Variants in NEURL1B observed in about 807,000 individuals in gnomAD.
NEURL1B encodes E3 ubiquitin-protein ligase NEURL1B.
A neutral mutation model predicts 37.4 loss-of-function variants in NEURL1B; 13 were observed. The ratio of observed to expected loss-of-function variants is 0.35; its 90% confidence interval spans 0.23 to 0.55. The LOEUF (loss-of-function observed/expected upper bound fraction) is 0.55, where lower values mean the gene tolerates loss of function less well. Among genes scored for constraint, NEURL1B ranks in the 20% least tolerant of loss-of-function variants. The probability of loss-of-function intolerance (pLI) is 0.89; values close to 1 mark genes in which losing one functional copy is unlikely to be tolerated. For synonymous variants in NEURL1B, 432 were observed against 426.6 expected, an observed-to-expected ratio of 1.01 and a Z score of -0.16; for missense variants, 790 against 879.2, an observed-to-expected ratio of 0.90 and a Z score of 1.28.
Position 172,690,195 on chromosome 5 carries a change from G to A in NEURL1B, c.*3270G>A, listed in dbSNP as rs1561657244. ...ATGGTCTTGTGCCCATTCATTCGGA[G>A]ACTCCTGAAAAACTGGGCTGTTTGC... On this transcript the variant is annotated 3_prime_UTR_variant, in exon 5 of 5. Transcript: ENST00000369800. The A allele has an allele frequency of 6.6e-6, 1 of 152,274 alleles. No homozygotes were observed. Among genetic ancestry groups the A allele is most frequent in the Non-Finnish European group, 1.5e-5 (1 of 68,068 alleles). The allele number at this position is 152,274 out of a possible 1,614,324, so 9.4% of individuals were successfully genotyped here.
intron 3 of NEURL1B, among the ~76,000 whole-genome samples, chr5:172,685,215 T>C (rs1384506548): frequency 6.6e-6 from 1 of 152,198 alleles, no homozygotes; most frequent in Non-Finnish European, 1.5e-5. Context: ...GAGCGGGGCC[T>C]GACACTGGTT....
Position 172,684,098 on chromosome 5 carries a change from C to T in NEURL1B, c.1257C>T (p.Phe419=). The part of the protein sequence containing the change: ...VDTTQALWAF[F]AVRGGVAGQL... ...CCACGCAGGCGCTCTGGGCCTTCTT[C>T]GCCGTGCGCGGCGGCGTCGCGGGCC... The change falls in exon 3 of 5, where the codon TTC becomes TTT. Residue 419 remains phenylalanine, a synonymous_variant. Transcript: ENST00000369800. 7.8e-7 allele frequency: 1 copy of T among 1,277,822 alleles called. No individual in the cohort carries two copies. The highest frequency in any genetic ancestry group is 9.9e-7 in the Non-Finnish European group (1 of 1,012,080). The allele number at this position is 1,277,822 out of a possible 1,614,324, so 79.2% of individuals were successfully genotyped here.
chr5:172,642,847 G>T (rs575627782), intron 1 of NEURL1B, among the ~76,000 whole-genome samples: 2 of 152,346 alleles, frequency 1.3e-5, no homozygotes, highest in South Asian at 4.1e-4. Context: ...CTATTGCCAG[G>T]TTGGGGGAGA....
At chr5:172,671,285 GC>G (rs1188262717) in intron 2 of NEURL1B, among the ~76,000 whole-genome samples, 1 of 152,130 alleles carries the variant, frequency 6.6e-6, no homozygotes, top group Non-Finnish European at 1.5e-5. Context: ...AACCAGCCCA[GC>G]CTCGACCTCT....
Position 172,687,289 on chromosome 5 carries a change from A to C in NEURL1B, c.*364A>C. The C allele has an allele frequency of 1.4e-5, 3 of 207,410 alleles. No individual in the cohort carries two copies. The highest frequency in any genetic ancestry group is 2.1e-4 in the East Asian group (2 of 9,420). 12.8% of individuals were successfully genotyped at this position (207,410 alleles called of 1,614,324 possible). ...AGGGGAGGGAGGGAGAACAGAGAGAATGTGTGTGTGAGAGAGAGAGAGAGA... is the reference window on the plus strand; with the variant it reads ...AGGGGAGGGAGGGAGAACAGAGAGACTGTGTGTGTGAGAGAGAGAGAGAGA... On this transcript the variant is annotated 3_prime_UTR_variant, in exon 5 of 5. Coordinates refer to ENST00000369800, the MANE Select transcript of NEURL1B (RefSeq NM_001142651.3).
Position 172,688,153 on chromosome 5 carries a change from C to G in NEURL1B, c.*1228C>G, listed in dbSNP as rs955003295. On this transcript the variant is annotated 3_prime_UTR_variant, in exon 5 of 5. Transcript: ENST00000369800. This position sits in a 1 kb window ranked among gnomAD's most constrained non-coding sequence, Gnocchi z 4.3. ...CCTCAGCCGTGCCCATCTCTGCAGACTCCCAGATCACATCTGGGCTGATGG... is the reference window on the plus strand; with the variant it reads ...CCTCAGCCGTGCCCATCTCTGCAGAGTCCCAGATCACATCTGGGCTGATGG... 6.5e-6 allele frequency: 1 copy of G among 152,824 alleles called. No homozygotes were observed. The highest frequency in any genetic ancestry group is 2.4e-5 in the African/African-American group (1 of 41,466). The allele number at this position is 152,824 out of a possible 1,614,324, so 9.5% of individuals were successfully genotyped here.
At chr5:172,666,194 A>C (rs956257553) in intron 1 of NEURL1B, among the ~76,000 whole-genome samples, 1 of 146,110 alleles carries the variant, frequency 6.8e-6, no homozygotes, top group Non-Finnish European at 1.5e-5. Context: ...CACCACCACC[A>C]CCACCAAAAA....
Position 172,675,077 on chromosome 5 carries a change from C to G in NEURL1B, c.577+4747C>G, listed in dbSNP as rs893391795. ...TAAAGATGGGGTTTCTACTGGGTAC[C>G]TGTTGGTCAGGTTGGTCTCGAACTC... On this transcript the variant is annotated intron_variant, in intron 2 of 4. Transcript: ENST00000369800. The surrounding 1 kb of genome is among the most constrained non-coding windows in gnomAD (Gnocchi z 4.7). 6.6e-6 allele frequency among the ~76,000 whole-genome samples: 1 copy of G among 152,028 alleles called. No homozygotes were observed. The highest frequency in any genetic ancestry group is 1.5e-5 in the Non-Finnish European group (1 of 67,994).
At chr5:172,655,586 G>A (rs1054585929) in intron 1 of NEURL1B, among the ~76,000 whole-genome samples, 2 of 152,112 alleles carry the variant, frequency 1.3e-5, no homozygotes, top group African/African-American at 2.4e-5. Flanking sequence ...GGTCATTCAC[G>A]CACACACACA....
rs1757463792 is a variant in NEURL1B at position 172,641,710 on chromosome 5, G to A, written c.31+273G>A. On this transcript the variant is annotated intron_variant, in intron 1 of 4. Coordinates refer to ENST00000369800, the MANE Select transcript of NEURL1B (RefSeq NM_001142651.3). This position sits in a 1 kb window ranked among gnomAD's most constrained non-coding sequence, Gnocchi z 6.4. ...GATGCGCAAAAAGGGCCGCTGGGGCGATGCCGCGCGCCCCCTCGCCTTTGT... is the reference window on the plus strand; with the variant it reads ...GATGCGCAAAAAGGGCCGCTGGGGCAATGCCGCGCGCCCCCTCGCCTTTGT... 6.6e-6 allele frequency among the ~76,000 whole-genome samples: 1 copy of A among 152,212 alleles called. No individual in the cohort carries two copies. The highest frequency in any genetic ancestry group is 2.4e-5 in the African/African-American group (1 of 41,458).
At chr5:172,679,065 G>T (rs1357853729) in intron 2 of NEURL1B, among the ~76,000 whole-genome samples, 1 of 152,260 alleles carries the variant, frequency 6.6e-6, no homozygotes, top group Non-Finnish European at 1.5e-5. Context: ...TGGCAGGGAG[G>T]CGGGGACATT....
chr5:172,686,392 C>T lies in NEURL1B; in HGVS notation c.1423+96C>T, dbSNP rs61740388. ...CCTTCCAGGGACTGAGCAGGGTGGC[C>T]GCCTTTCCCCCGCATCCTCTCCTTC... On this transcript the variant is annotated intron_variant, in intron 4 of 4. Transcript: ENST00000369800. This position sits in a 1 kb window ranked among gnomAD's most constrained non-coding sequence, Gnocchi z 7.9. 3.6e-5 allele frequency: 47 copies of T among 1,313,502 alleles called. No homozygotes were observed. Among genetic ancestry groups the T allele is most frequent in the East Asian group, 7.5e-5 (3 of 39,786 alleles). 81.4% of individuals were successfully genotyped at this position (1,313,502 alleles called of 1,614,324 possible). A position where few individuals can be genotyped will look rare whatever the true frequency, so the allele number is the denominator to read the frequency against.
intron 1 of NEURL1B, among the ~76,000 whole-genome samples, chr5:172,642,442 G>A (rs1322628963): frequency 6.6e-6 from 1 of 152,144 alleles, no homozygotes; most frequent in East Asian, 1.9e-4. Flanking sequence ...GGTGAGAGGA[G>A]TGTGTGTGTG....
intron 1 of NEURL1B, among the ~76,000 whole-genome samples, chr5:172,663,829 T>TTTTTTTTATTATTATTATTATTATTA (rs138220033): frequency 9.2e-5 from 13 of 140,844 alleles, no homozygotes; most frequent in Admixed American, 2.2e-4. Flanking sequence ...GTTTTATTTG[T>TTTTTTTTATTATTATTATTATTATTA]TTATTATTAT....
rs574113859 is a variant in NEURL1B at position 172,690,692 on chromosome 5, C to A, written c.*3767C>A. 1 of 152,308 alleles carries A rather than the reference C, an allele frequency of 6.6e-6. No homozygotes were observed. Among genetic ancestry groups the A allele is most frequent in the African/African-American group, 2.4e-5 (1 of 41,528 alleles). 9.4% of individuals were successfully genotyped at this position (152,308 alleles called of 1,614,324 possible). ...TGTTGAGGTGGGTGCCCAAAGGCTG[C>A]CTTCTTGACCAGAACCTGCTGTGCG... On this transcript the variant is annotated 3_prime_UTR_variant, in exon 5 of 5. Transcript: ENST00000369800.
At chr5:172,659,517 C>CGG (rs1757856468) in intron 1 of NEURL1B, among the ~76,000 whole-genome samples, 2 of 152,192 alleles carry the variant, frequency 1.3e-5, no homozygotes, top group South Asian at 4.1e-4. Flanking sequence ...ACATTCAAAA[C>CGG]CTGGACTGTT....
At chr5:172,669,581 C>T (rs1758078902) in intron 1 of NEURL1B, among the ~76,000 whole-genome samples, 1 of 152,084 alleles carries the variant, frequency 6.6e-6, no homozygotes, top group Admixed American at 6.5e-5. Context: ...ATCTGTGGCA[C>T]GGGTATGCTG....
rs138470702 is a variant in NEURL1B, at chr5:172,646,257, C to T, written c.31+4820C>T. On this transcript the variant is annotated intron_variant, in intron 1 of 4. Transcript: ENST00000369800. ...ACCTCTCTGTGCCTCAGTTTCCTCA[C>T]AGGGAGACTAGGGGTAGCTCCTTCA... 1.8e-3 allele frequency among the ~76,000 whole-genome samples: 273 copies of T among 152,264 alleles called. 1 individual carries two copies. The highest frequency in any genetic ancestry group is 6.2e-3 in the African/African-American group (257 of 41,538).
chr5:172,660,495 C>A lies in NEURL1B; in HGVS notation c.32-9290C>A, dbSNP rs181450000. Among the ~76,000 whole-genome samples the A allele has an allele frequency of 7.5e-3, 1,139 of 152,316 alleles. 17 individuals carry two copies. The highest frequency in any genetic ancestry group is 0.027 in the African/African-American group (1,114 of 41,558). On this transcript the variant is annotated intron_variant, in intron 1 of 4. Coordinates refer to ENST00000369800, the MANE Select transcript of NEURL1B (RefSeq NM_001142651.3). ...AAGGGAGCAGAGTGGCAGTTACCAG[C>A]GCGGGCTGGCCCTTTTCCCTTGGGG...
Sources: allele counts gnomAD v4.1 joint callset (sites outside exome capture counted in the v4.1 genomes callset), GRCh38; gene constraint gnomAD v4.1.1; non-coding constraint Gnocchi (gnomAD v3.1); transcripts MANE v1.5; gene names NCBI Gene and HGNC (gene_info 2026-07-23, HGNC 2026-07-21).